Variants in HECW2 observed in about 807,000 individuals in gnomAD.
HECW2 encodes the protein E3 ubiquitin-protein ligase HECW2.
Under a neutral mutation model 175.2 loss-of-function variants are expected in HECW2, and 61 were observed. The observed-to-expected ratio is 0.35, with a 90% CI of 0.28 to 0.43. The LOEUF is 0.43. Among genes scored for constraint, HECW2 ranks in the 20% least tolerant of loss-of-function variants. The pLI is 1.00. For synonymous variants in HECW2, 671 were observed against 731.0 expected (o/e 0.92, Z 1.32); for missense variants, 1,524 against 2,000.5 (o/e 0.76, Z 4.54).
In HECW2 at chr2:196,319,567, C is replaced by CA; in HGVS notation, c.1322dup (p.Met441IlefsTer10). ...TACTCCTCAGTTTCGGAGAGGCACC[C>CA]ATGGACCTCTCAGAGCAGGTCGCTG... On this transcript the variant is annotated frameshift_variant, in exon 9 of 29. Transcript: ENST00000644978. LOFTEE classifies it high-confidence loss of function. 1 of 1,614,200 alleles carries CA rather than the reference C, an allele frequency of 6.2e-7. No homozygotes were observed. The highest frequency in any genetic ancestry group is 8.5e-7 in the Non-Finnish European group (1 of 1,180,034).
At chr2:196,519,033 C>G (rs1364209415) in intron 1 of HECW2, among the ~76,000 whole-genome samples, 2 of 152,180 alleles carry the variant, frequency 1.3e-5, no homozygotes, top group South Asian at 4.1e-4. Context: ...ATTGTTTCAA[C>G]TATTTCCCAA....
intron 18 of HECW2, 130 bp downstream of exon 18, chr2:196,257,693 A>C: frequency 1.5e-6 from 1 of 660,042 alleles, no homozygotes; most frequent in Non-Finnish European, 2.6e-6. Context: ...AATCTTCAAA[A>C]TATTTCCACA....
chr2:196,254,072 A>G (rs1318921733), intron 18 of HECW2, 43 bp from the exon 19 acceptor site: 1 of 1,607,588 alleles, frequency 6.2e-7, no homozygotes, highest in East Asian at 2.2e-5. Context: ...CAGCCAAAGT[A>G]GTGGGGAAAA....
At chr2:196,303,960 G>A (rs1691166158) in intron 13 of HECW2, among the ~76,000 whole-genome samples, 1 of 151,818 alleles carries the variant, frequency 6.6e-6, no homozygotes, top group Non-Finnish European at 1.5e-5. Flanking sequence ...GTTAGCCCAA[G>A]CCACTTCCAT....
chr2:196,274,197 G>T (rs1689853457), intron 15 of HECW2, 74 bp from the exon 16 acceptor site: 6 of 1,050,922 alleles, frequency 5.7e-6, no homozygotes, highest in Non-Finnish European at 8.8e-6. Context: ...AAACCAAGTT[G>T]TTCAAAATAT....
intron 13 of HECW2, among the ~76,000 whole-genome samples, chr2:196,294,321 TG>T (rs1690722896): frequency 1.3e-5 from 2 of 152,212 alleles, no homozygotes; most frequent in African/African-American, 4.8e-5. Flanking sequence ...ATGATATTCA[TG>T]AAACTGACCA....
chr2:196,490,756 T>C (rs1687157926), intron 1 of HECW2, among the ~76,000 whole-genome samples: 2 of 152,116 alleles, frequency 1.3e-5, no homozygotes, highest in African/African-American at 4.8e-5. Context: ...GTCCATAAAA[T>C]GGAATACTAT....
intron 1 of HECW2, among the ~76,000 whole-genome samples, chr2:196,526,993 T>C (rs1354081151): frequency 1.3e-5 from 2 of 152,122 alleles, no homozygotes; most frequent in African/African-American, 2.4e-5. Context: ...CCTTGAGCTG[T>C]GGTGGGCTCC....
intron 2 of HECW2, among the ~76,000 whole-genome samples, chr2:196,416,294 G>A (rs1160401127): frequency 6.6e-6 from 1 of 152,106 alleles, no homozygotes; most frequent in East Asian, 1.9e-4. Context: ...CAGCCCTGTG[G>A]ATTTAAAATC....
At position 196,329,645 on chromosome 2, in the gene HECW2, C is replaced by T. The variant is rs765599438; in HGVS notation, c.501G>A (p.Gly167=). The change falls in exon 5 of 29, where the codon GGG becomes GGA. Residue 167 remains glycine, a synonymous_variant. Coordinates refer to ENST00000644978, the MANE Select transcript of HECW2 (RefSeq NM_001348768.2). ...AAGCACCTCCCTCCATGCCTTCTGCCCCCATCTGAAAAGAAAAAACATGCA... is the reference window on the plus strand; with the variant it reads ...AAGCACCTCCCTCCATGCCTTCTGCTCCCATCTGAAAAGAAAAAACATGCA... ...ITVKNPAVMM[G]AEGMEGGASG... is the part of the protein sequence containing the mutation. 2.5e-6 allele frequency: 4 copies of T among 1,613,152 alleles called. No individual in the cohort carries two copies. In the East Asian group the frequency reaches 8.9e-5, roughly 36 times the overall value.
At chr2:196,277,230 T>C (rs980040661) in intron 15 of HECW2, among the ~76,000 whole-genome samples, 2 of 152,184 alleles carry the variant, frequency 1.3e-5, no homozygotes, top group Non-Finnish European at 2.9e-5. Context: ...GTGGTTACCA[T>C]TGGTCCCTGC....
chr2:196,390,903 T>C (rs1243049138), intron 2 of HECW2, among the ~76,000 whole-genome samples: 2 of 152,152 alleles, frequency 1.3e-5, no homozygotes, highest in African/African-American at 4.8e-5. Flanking sequence ...AAATTCTACA[T>C]TGTGCGAGCT....
At chr2:196,476,458 A>AAG (rs1686623150) in intron 1 of HECW2, among the ~76,000 whole-genome samples, 2 of 151,614 alleles carry the variant, frequency 1.3e-5, no homozygotes, top group African/African-American at 4.8e-5. Flanking sequence ...AAAAAAAAAA[A>AAG]GGCAGGCGAC....
In HECW2 at chr2:196,306,505, C is replaced by T. The variant is rs762904755; in HGVS notation, c.2797G>A (p.Val933Met). 31 of 1,609,918 alleles carry T rather than the reference C, an allele frequency of 1.9e-5. No homozygotes were observed. The highest frequency in any genetic ancestry group is 2.7e-5 in the African/African-American group (2 of 74,696). The change falls in exon 13 of 29, where the codon GTG becomes ATG. Residue 933 changes from valine (V) to methionine (M), a missense_variant. Coordinates refer to ENST00000644978, the MANE Select transcript of HECW2 (RefSeq NM_001348768.2). Reference protein sequence around the residue: ...KFLISPEFFTVLHSNPSAYRM... With the variant: ...KFLISPEFFTMLHSNPSAYRM... ...CTACTCACAGGGTTAGAATGCAGCA[C>T]GGTGAAGAACTCTGGGCTGATGAGG... is the stretch of plus-strand genomic sequence containing the variant.
chr2:196,382,879 A>G (rs965125959), intron 2 of HECW2, among the ~76,000 whole-genome samples: 4 of 152,208 alleles, frequency 2.6e-5, no homozygotes, highest in Non-Finnish European at 4.4e-5. Flanking sequence ...GACCACAAGT[A>G]GCTTTCATTT....
chr2:196,564,286 T>G (rs987932285), intron 1 of HECW2, among the ~76,000 whole-genome samples: 6 of 152,118 alleles, frequency 3.9e-5, no homozygotes, highest in Admixed American at 6.5e-5. Context: ...GGCATGACAA[T>G]CAAATGCAAT....
At chr2:196,347,251 G>A (rs983494864) in intron 2 of HECW2, among the ~76,000 whole-genome samples, 1 of 151,642 alleles carries the variant, frequency 6.6e-6, no homozygotes, top group Non-Finnish European at 1.5e-5. Flanking sequence ...CAGTAGAGAC[G>A]GGGTTTCACC....
At chr2:196,216,287 TGG>T (rs1687472425) in intron 27 of HECW2, among the ~76,000 whole-genome samples, 1 of 152,128 alleles carries the variant, frequency 6.6e-6, no homozygotes, top group East Asian at 1.9e-4. Flanking sequence ...ATGAATAAAG[TGG>T]GATCAATTAA....
At chr2:196,235,892 T>A (rs116746797) in intron 21 of HECW2, among the ~76,000 whole-genome samples, 327 of 152,116 alleles carry the variant, frequency 2.1e-3, no homozygotes, top group African/African-American at 7.1e-3. Flanking sequence ...TCTTCTGACC[T>A]GTGATCTGCT....
Sources: gnomAD v4.1 joint callset for allele counts (sites outside exome capture counted in the v4.1 genomes callset) on GRCh38, gnomAD v4.1.1 for gene constraint, MANE v1.5 for transcripts, NCBI Gene and HGNC (gene_info 2026-07-23, HGNC 2026-07-21) for gene names.